Variants in ENAH observed in about 807,000 individuals in gnomAD.
ENAH encodes the protein protein enabled homolog.
Under a neutral mutation model 78.7 loss-of-function variants are expected in ENAH, and 23 were observed. The observed-to-expected ratio is 0.29, with a 90% CI of 0.21 to 0.41. The LOEUF (loss-of-function observed/expected upper bound fraction) is 0.41, where lower values mean the gene tolerates loss of function less well. ENAH is among the 10% of genes least tolerant of loss of function. ENAH has a pLI of 1.00. For missense variants in ENAH, 544 were observed against 691.0 expected, an observed-to-expected ratio of 0.79 and a Z score of 2.39; for synonymous variants, 226 against 241.0, an observed-to-expected ratio of 0.94 and a Z score of 0.58.
In ENAH at chr1:225,528,312, C is replaced by T. The variant is rs531364490; in HGVS notation, c.434+2242G>A. ...GAGAAGAGTCTACAGAAAATGACAA[C>T]GTAGAAAGGATATGAGAAGGACATG... is the stretch of plus-strand genomic sequence containing the variant. On this transcript the variant is annotated intron_variant, in intron 4 of 13. Coordinates refer to ENST00000366843, the MANE Select transcript of ENAH (RefSeq NM_018212.6). Among the ~76,000 whole-genome samples the T allele has an allele frequency of 2.2e-4, 33 of 152,102 alleles. No individual in the cohort carries two copies. The East Asian group carries it at 5.0e-3, about 23-fold the overall frequency.
chr1:225,591,764 C>CAAAAAAA (rs55680042), intron 1 of ENAH, among the ~76,000 whole-genome samples: 24 of 39,498 alleles, frequency 6.1e-4, no homozygotes, highest in African/African-American at 1.2e-3. Context: ...GACTCCGTCT[C>CAAAAAAA]AAAAAAAAAA....
At chr1:225,522,464 TAATAA>T (rs1479056483) in intron 4 of ENAH, among the ~76,000 whole-genome samples, 2 of 152,220 alleles carry the variant, frequency 1.3e-5, no homozygotes, top group Non-Finnish European at 2.9e-5. Flanking sequence ...TACTGACTAC[TAATAA>T]AATCAGATTT....
At chr1:225,595,229 A>T (rs2096896689) in intron 1 of ENAH, among the ~76,000 whole-genome samples, 1 of 152,048 alleles carries the variant, frequency 6.6e-6, no homozygotes, top group Admixed American at 6.6e-5. Context: ...GCTACTCAGG[A>T]GGCTGAGGCA....
At chr1:225,533,838 A>G (rs2096549450) in intron 3 of ENAH, among the ~76,000 whole-genome samples, 1 of 152,172 alleles carries the variant, frequency 6.6e-6, no homozygotes, top group South Asian at 2.1e-4. Context: ...TTTCACAATT[A>G]GCCACAGACT....
At chr1:225,602,910 G>T (rs2096937997) in intron 1 of ENAH, among the ~76,000 whole-genome samples, 1 of 151,536 alleles carries the variant, frequency 6.6e-6, no homozygotes, top group Non-Finnish European at 1.5e-5. Context: ...ATTCTTTAAA[G>T]AATTCAATAA....
chr1:225,577,350 G>C (rs540638255), intron 1 of ENAH, among the ~76,000 whole-genome samples: 4 of 152,010 alleles, frequency 2.6e-5, no homozygotes, highest in African/African-American at 9.7e-5. Flanking sequence ...GTTACAATTC[G>C]GTTCTGCCAC....
intron 1 of ENAH, among the ~76,000 whole-genome samples, chr1:225,628,906 C>CA (rs35601763): frequency 0.15 from 10,121 of 68,384 alleles, 1,288 homozygotes; most frequent in African/African-American, 0.39. Context: ...AACTCCGTCT[C>CA]AAAAAAAAAA....
At chr1:225,505,984 G>GA (rs202009681) in intron 11 of ENAH, among the ~76,000 whole-genome samples, 74 of 149,856 alleles carry the variant, frequency 4.9e-4, no homozygotes, top group African/African-American at 1.7e-3. Flanking sequence ...TTCCAAGTCT[G>GA]AAAAAAAAAT....
intron 1 of ENAH, among the ~76,000 whole-genome samples, chr1:225,641,005 A>C (rs1215258016): frequency 6.7e-6 from 1 of 150,236 alleles, no homozygotes; most frequent in Non-Finnish European, 1.5e-5. Context: ...CTGGGACTAC[A>C]GGCGCCCGCC....
chr1:225,610,496 T>TA (rs1443600335), intron 1 of ENAH, among the ~76,000 whole-genome samples: 2 of 151,958 alleles, frequency 1.3e-5, no homozygotes, highest in African/African-American at 2.4e-5. Context: ...AGGTCCCCAG[T>TA]AAAAAAAATT....
chr1:225,520,048 C>G (rs1440730383), intron 4 of ENAH, among the ~76,000 whole-genome samples: 3 of 152,116 alleles, frequency 2.0e-5, no homozygotes, highest in Non-Finnish European at 2.9e-5. Flanking sequence ...AATCCCAGCA[C>G]TTTGGGAGGC....
At position 225,601,523 on chromosome 1, in the gene ENAH, C is replaced by CAAA. The variant is rs60046874; in HGVS notation, c.6-34112_6-34110dup. The stretch of plus-strand genomic sequence containing the variant: ...ACAGAGTGAGACTCCATCTCCCCGC[C>CAAA]AAAAAAAAAAAAAAGAGAAGGTTCC... On this transcript the variant is annotated intron_variant, in intron 1 of 13. Coordinates refer to ENST00000366843, the MANE Select transcript of ENAH (RefSeq NM_018212.6). 4.3e-5 allele frequency among the ~76,000 whole-genome samples: 4 copies of CAAA among 93,694 alleles called. No homozygotes were observed. The East Asian group carries it at 1.3e-3, about 30-fold the overall frequency. The allele number at this position is 93,694 out of a possible 152,430, so 61.5% of individuals were successfully genotyped here. A position where few individuals can be genotyped will look rare whatever the true frequency, so the allele number is the denominator to read the frequency against.
At chr1:225,650,942 A>T (rs1662880179) in intron 1 of ENAH, among the ~76,000 whole-genome samples, 1 of 151,672 alleles carries the variant, frequency 6.6e-6, no homozygotes. Context: ...ACAACTGATA[A>T]CTTCTGGTCT....
chr1:225,522,888 G>C (rs944838083), intron 4 of ENAH, among the ~76,000 whole-genome samples: 1 of 151,778 alleles, frequency 6.6e-6, no homozygotes. Flanking sequence ...AAAGATCTAA[G>C]TTTTTAGATC....
chr1:225,530,296 G>C (rs940932553), intron 4 of ENAH, among the ~76,000 whole-genome samples: 8 of 152,022 alleles, frequency 5.3e-5, no homozygotes, highest in Non-Finnish European at 7.4e-5. Context: ...ATTCTGTTAA[G>C]CGTATTTACA....
chr1:225,562,557 GC>G (rs2096712040), intron 2 of ENAH, among the ~76,000 whole-genome samples: 1 of 107,650 alleles, frequency 9.3e-6, no homozygotes, highest in Non-Finnish European at 1.7e-5. Flanking sequence ...GGGCGACAGA[GC>G]GAGACTGCGT....
At chr1:225,530,005 C>T (rs1394460022) in intron 4 of ENAH, among the ~76,000 whole-genome samples, 3 of 152,166 alleles carry the variant, frequency 2.0e-5, no homozygotes, top group Non-Finnish European at 2.9e-5. Flanking sequence ...GGTTCTGAGG[C>T]CTGCCTGCTC....
chr1:225,521,676 C>T (rs1232064226), intron 4 of ENAH, among the ~76,000 whole-genome samples: 1 of 151,052 alleles, frequency 6.6e-6, no homozygotes, highest in Non-Finnish European at 1.5e-5. Flanking sequence ...TTATCTTACA[C>T]ATACGTATTT....
chr1:225,630,933 GA>G (rs1658897148), intron 1 of ENAH, among the ~76,000 whole-genome samples: 1 of 152,120 alleles, frequency 6.6e-6, no homozygotes, highest in Non-Finnish European at 1.5e-5. Context: ...AAACAACTTG[GA>G]AACAGATCTA....
Sources: allele counts gnomAD v4.1 joint callset (sites outside exome capture counted in the v4.1 genomes callset), GRCh38; gene constraint gnomAD v4.1.1; transcripts MANE v1.5; gene names NCBI Gene and HGNC (gene_info 2026-07-23, HGNC 2026-07-21).